VPS13B: variants seen among roughly 807,000 people sequenced by gnomAD.
VPS13B encodes the protein vacuolar protein sorting 13 homolog B, also known as intermembrane lipid transfer protein VPS13B.
A neutral mutation model predicts 426.4 loss-of-function variants in VPS13B; 285 were observed. The observed-to-expected ratio is 0.67, with a 90% CI of 0.61 to 0.74. The LOEUF (loss-of-function observed/expected upper bound fraction) is 0.74. VPS13B is among the 30% of genes least tolerant of loss of function. The pLI is 0.00. For synonymous variants in VPS13B, 1,676 were observed against 1,676.4 expected (o/e 1.00, Z 0.01); for missense variants, 4,537 against 4,782.6 (o/e 0.95, Z 1.51).
intron 15 of VPS13B, among the ~76,000 whole-genome samples, chr8:99,167,084 A>T (rs1008573007): frequency 2.0e-5 from 3 of 152,184 alleles, no homozygotes; most frequent in Admixed American, 6.5e-5. Context: ...ATAATTTCAA[A>T]GATGTCCCTA....
In VPS13B at chr8:99,177,901, A is replaced by G. The variant is rs932636112; in HGVS notation, c.2333+7738A>G. Among the ~76,000 whole-genome samples the G allele has an allele frequency of 4.6e-5, 7 of 152,326 alleles. No individual in the cohort carries two copies. In the East Asian group the frequency reaches 9.6e-4, roughly 21 times the overall value. On this transcript the variant is annotated intron_variant, in intron 16 of 61. Coordinates refer to ENST00000357162, the MANE Select transcript of VPS13B (RefSeq NM_152564.5). ...CTGTGCACAGCAGTGGGAAAATATT[A>G]TCCTGTGACAACATTCTATTCTAGT...
intron 35 of VPS13B, chr8:99,695,886 A>G (rs1301870171): frequency 6.6e-6 from 1 of 152,118 alleles, no homozygotes; most frequent in African/African-American, 2.4e-5. Context: ...AATATTAAGT[A>G]TGAGTGAATG....
intron 17 of VPS13B, chr8:99,233,757 C>T (rs183488632): frequency 7.7e-6 from 6 of 779,594 alleles, no homozygotes; most frequent in Admixed American, 5.1e-5. Context: ...TTTTTCTTCA[C>T]ATTTCTGCCT....
intron 21 of VPS13B, among the ~76,000 whole-genome samples, chr8:99,406,284 T>A (rs944607408): frequency 1.6e-4 from 24 of 152,156 alleles, no homozygotes; most frequent in African/African-American, 5.5e-4. Context: ...ATGTGAATTG[T>A]TCATTTTTGT....
chr8:99,860,413 G>A (rs1816777416), intron 57 of VPS13B, among the ~76,000 whole-genome samples: 1 of 152,120 alleles, frequency 6.6e-6, no homozygotes, highest in Non-Finnish European at 1.5e-5. Flanking sequence ...ATGAGTCACT[G>A]GCAGACTGCT....
chr8:99,181,769 T>A (rs1248212056), intron 16 of VPS13B, among the ~76,000 whole-genome samples: 1 of 152,116 alleles, frequency 6.6e-6, no homozygotes, highest in Non-Finnish European at 1.5e-5. Flanking sequence ...AAAGGAAAAG[T>A]TTGTTTTTAA....
At chr8:99,863,825 T>A (rs1816960335) in intron 58 of VPS13B, among the ~76,000 whole-genome samples, 1 of 152,216 alleles carries the variant, frequency 6.6e-6, no homozygotes, top group Admixed American at 6.5e-5. Flanking sequence ...TCTTTCTGCA[T>A]ATCTGGTAAT....
At chr8:99,676,404 T>G (rs1241822688) in intron 35 of VPS13B, among the ~76,000 whole-genome samples, 1 of 151,982 alleles carries the variant, frequency 6.6e-6, no homozygotes, top group African/African-American at 2.4e-5. Context: ...CTGGGACAGG[T>G]CAAGAGGCTC....
chr8:99,332,127 A>G (rs1412273357), intron 19 of VPS13B, among the ~76,000 whole-genome samples: 1 of 151,396 alleles, frequency 6.6e-6, no homozygotes, highest in African/African-American at 2.4e-5. Flanking sequence ...ATATTGATAA[A>G]TCAGACAGAA....
At chr8:99,826,813 A>G (rs1250130572) in intron 51 of VPS13B, among the ~76,000 whole-genome samples, 1 of 152,046 alleles carries the variant, frequency 6.6e-6, no homozygotes, top group East Asian at 1.9e-4. Context: ...CCTTTTTTGC[A>G]TCTATTGAGA....
chr8:99,818,200 T>C (rs1814155301), intron 45 of VPS13B, among the ~76,000 whole-genome samples: 1 of 152,246 alleles, frequency 6.6e-6, no homozygotes, highest in Admixed American at 6.5e-5. Flanking sequence ...TCTTTCATTT[T>C]GCCACTTAGT....
chr8:99,401,985 A>G (rs180850060), intron 21 of VPS13B, among the ~76,000 whole-genome samples: 4 of 152,270 alleles, frequency 2.6e-5, no homozygotes, highest in Admixed American at 1.3e-4. Flanking sequence ...GGAACACCCT[A>G]TGGGTGTTCT....
intron 24 of VPS13B, among the ~76,000 whole-genome samples, chr8:99,471,868 A>G (rs530843279): frequency 1.3e-5 from 2 of 152,280 alleles, no homozygotes; most frequent in South Asian, 4.1e-4. Flanking sequence ...GAAAGTTCAC[A>G]AATTATTGGT....
At chr8:99,468,301 G>A (rs1819219938) in intron 24 of VPS13B, among the ~76,000 whole-genome samples, 1 of 151,948 alleles carries the variant, frequency 6.6e-6, no homozygotes, top group Non-Finnish European at 1.5e-5. Flanking sequence ...GTCTATTTGA[G>A]GGTAAATAAA....
intron 17 of VPS13B, among the ~76,000 whole-genome samples, chr8:99,213,879 C>A (rs1215372888): frequency 6.7e-6 from 1 of 150,100 alleles, no homozygotes; most frequent in African/African-American, 2.5e-5. Context: ...CCGTCAGAGG[C>A]TACCGTCATG....
At chr8:99,460,484 A>C (rs1720986758) in intron 23 of VPS13B, among the ~76,000 whole-genome samples, 1 of 152,128 alleles carries the variant, frequency 6.6e-6, no homozygotes, top group Non-Finnish European at 1.5e-5. Flanking sequence ...AGTACTTAAG[A>C]GAAGAAATGA....
intron 29 of VPS13B, among the ~76,000 whole-genome samples, chr8:99,519,697 C>T (rs907462228): frequency 1.2e-4 from 18 of 149,272 alleles, no homozygotes; most frequent in African/African-American, 4.4e-4. Flanking sequence ...CAAACTATCG[C>T]AAGACAAAAA....
At chr8:99,400,002 A>T (rs2133332678) in intron 21 of VPS13B, among the ~76,000 whole-genome samples, 1 of 151,864 alleles carries the variant, frequency 6.6e-6, no homozygotes, top group South Asian at 2.1e-4. Flanking sequence ...CTCACTTTTT[A>T]TTTTTCTAGG....
intron 19 of VPS13B, among the ~76,000 whole-genome samples, chr8:99,344,063 A>G (rs898980029): frequency 5.9e-5 from 9 of 152,252 alleles, no homozygotes; most frequent in Non-Finnish European, 1.2e-4. Context: ...TTCAAAACAT[A>G]TAAAGCTATT....
Sources: allele counts gnomAD v4.1 joint callset (sites outside exome capture counted in the v4.1 genomes callset), GRCh38; gene constraint gnomAD v4.1.1; transcripts MANE v1.5; gene names NCBI Gene and HGNC (gene_info 2026-07-23, HGNC 2026-07-21).